Variants in PTPN13 observed in about 807,000 individuals in gnomAD.
The protein encoded by PTPN13 is tyrosine-protein phosphatase non-receptor type 13.
In PTPN13, 191 loss-of-function variants were observed where a neutral mutation model predicts 284.0. That is an observed-to-expected ratio of 0.67 (90% CI 0.60 to 0.76). PTPN13 has a LOEUF of 0.76. Among genes scored for constraint, PTPN13 ranks in the 30% least tolerant of loss-of-function variants. The probability of loss-of-function intolerance (pLI) is 0.00; values close to 1 mark genes in which losing one functional copy is unlikely to be tolerated. For missense variants in PTPN13, 2,797 were observed against 2,939.9 expected (o/e 0.95, Z 1.12); for synonymous variants, 986 against 1,022.3 (o/e 0.96, Z 0.68).
intron 1 of PTPN13, 94 bp from the exon 2 acceptor site, chr4:86,635,158 G>T (rs1309233927): frequency 3.1e-6 from 4 of 1,310,186 alleles, no homozygotes; most frequent in Non-Finnish European, 3.2e-6. Context: ...TAGACAGGGG[G>T]CTTATAGTCT....
At chr4:86,801,761 C>T (rs1223297055) in intron 42 of PTPN13, among the ~76,000 whole-genome samples, 1 of 151,968 alleles carries the variant, frequency 6.6e-6, no homozygotes, top group African/African-American at 2.4e-5. Flanking sequence ...TTTTTAAATG[C>T]TTATGTAGAA....
At chr4:86,703,101 G>A (rs1731338669) in intron 7 of PTPN13, among the ~76,000 whole-genome samples, 1 of 152,008 alleles carries the variant, frequency 6.6e-6, no homozygotes, top group Non-Finnish European at 1.5e-5. Context: ...TAAAGAATTT[G>A]AAATTATGGA....
intron 6 of PTPN13, among the ~76,000 whole-genome samples, chr4:86,699,602 GTGAT>G (rs776205619): frequency 3.9e-5 from 6 of 152,322 alleles, no homozygotes; most frequent in Non-Finnish European, 5.9e-5. Flanking sequence ...CGTGTACAAA[GTGAT>G]TGACTATGAA....
chr4:86,749,752 T>C (rs1450662138), intron 17 of PTPN13, among the ~76,000 whole-genome samples: 1 of 152,236 alleles, frequency 6.6e-6, no homozygotes, highest in Non-Finnish European at 1.5e-5. Context: ...AATTTACAGA[T>C]ACTGAAACAG....
At position 86,803,064 on chromosome 4, in the gene PTPN13, C is replaced by CTGTGTGTGTGTG. The variant is rs143647187; in HGVS notation, c.6506-617_6506-606dup. 3.9e-3 allele frequency among the ~76,000 whole-genome samples: 526 copies of CTGTGTGTGTGTG among 136,132 alleles called. 3 individuals carry two copies. Among genetic ancestry groups the CTGTGTGTGTGTG allele is most frequent in the African/African-American group, 4.4e-3 (157 of 35,984 alleles). The allele number at this position is 136,132 out of a possible 152,430, so 89.3% of individuals were successfully genotyped here. A position where few individuals can be genotyped will look rare whatever the true frequency, so the allele number is the denominator to read the frequency against. On this transcript the variant is annotated intron_variant, in intron 42 of 47. Coordinates refer to ENST00000411767, the MANE Select transcript of PTPN13 (RefSeq NM_080683.3). ...CTTCAGCCTGGGCTACAGAATAAGA[C>CTGTGTGTGTGTG]TGTGTGTGTGTGTGTGTGTGTGTGT...
intron 6 of PTPN13, among the ~76,000 whole-genome samples, chr4:86,698,935 G>A (rs893848490): frequency 2.6e-5 from 4 of 152,128 alleles, no homozygotes; most frequent in African/African-American, 9.7e-5. Flanking sequence ...ATATTCAACA[G>A]AAAGGAAGAA....
intron 2 of PTPN13, among the ~76,000 whole-genome samples, chr4:86,644,562 T>C (rs775529271): frequency 6.6e-6 from 1 of 152,182 alleles, no homozygotes; most frequent in East Asian, 1.9e-4. Flanking sequence ...CAAACACTAA[T>C]AGAACATTGA....
intron 9 of PTPN13, among the ~76,000 whole-genome samples, chr4:86,719,487 A>C (rs540813454): frequency 1.6e-4 from 24 of 152,330 alleles, no homozygotes; most frequent in African/African-American, 5.8e-4. Context: ...CTATGGGTAT[A>C]TACCCAGTAA....
chr4:86,671,587 A>C (rs1727727693), intron 2 of PTPN13, among the ~76,000 whole-genome samples: 2 of 152,308 alleles, frequency 1.3e-5, no homozygotes, highest in South Asian at 4.1e-4. Context: ...TATTTGTGTT[A>C]ATACTCTTAG....
At position 86,726,998 on chromosome 4, in the gene PTPN13, G is replaced by A. The variant is rs754060256; in HGVS notation, c.1608+4564G>A. ...TTGAAGTAAGTTCCACCAATACCTA[G>A]TTTATTGAGAGTTTTTAGCATGAAG... On this transcript the variant is annotated intron_variant, in intron 10 of 47. Coordinates refer to ENST00000411767, the MANE Select transcript of PTPN13 (RefSeq NM_080683.3). Among the ~76,000 whole-genome samples the A allele has an allele frequency of 2.7e-5, 4 of 149,450 alleles. 1 individual carries two copies. The highest frequency in any genetic ancestry group is 9.8e-5 in the African/African-American group (4 of 40,990).
intron 1 of PTPN13, among the ~76,000 whole-genome samples, chr4:86,626,049 T>A (rs766714283): frequency 6.6e-6 from 1 of 152,140 alleles, no homozygotes; most frequent in Non-Finnish European, 1.5e-5. Flanking sequence ...ATTCTACCAT[T>A]GCATTGTTTT....
At chr4:86,667,067 T>C (rs938095203) in intron 2 of PTPN13, among the ~76,000 whole-genome samples, 19 of 152,236 alleles carry the variant, frequency 1.2e-4, no homozygotes, top group African/African-American at 4.3e-4. Flanking sequence ...AATACCTTAC[T>C]GAGGACTTCC....
intron 24 of PTPN13, 71 bp downstream of exon 24, chr4:86,763,261 C>T (rs1738914132): frequency 2.4e-6 from 3 of 1,228,124 alleles, no homozygotes; most frequent in Admixed American, 4.3e-5. Flanking sequence ...AGTTACAGAG[C>T]ACAATAATCT....
intron 6 of PTPN13, among the ~76,000 whole-genome samples, chr4:86,700,727 C>T (rs1451676733): frequency 2.0e-5 from 3 of 152,080 alleles, no homozygotes; most frequent in Non-Finnish European, 2.9e-5. Flanking sequence ...CTTAAGAATT[C>T]GAAATGCTAC....
rs1409753382 is a variant in PTPN13 at position 86,807,103 on chromosome 4, C to CTT, written c.6746-455_6746-454dup. On this transcript the variant is annotated intron_variant, in intron 44 of 47. Transcript: ENST00000411767. The stretch of plus-strand genomic sequence containing the variant: ...ATGCCAATAACATTTGCAATATATA[C>CTT]TTTAATAGTGTTATTGTAATACTAA... Among the ~76,000 whole-genome samples, 18 of 152,026 alleles carry CTT rather than the reference C, an allele frequency of 1.2e-4. 1 individual carries two copies. Among genetic ancestry groups the CTT allele is most frequent in the African/African-American group, 4.1e-4 (17 of 41,410 alleles).
intron 40 of PTPN13, among the ~76,000 whole-genome samples, chr4:86,786,166 T>C (rs897398565): frequency 2.6e-5 from 4 of 152,150 alleles, no homozygotes; most frequent in Admixed American, 2.0e-4. Flanking sequence ...AACAATTAGT[T>C]TTCAAAAATG....
At chr4:86,772,695 A>G (rs1740142793) in intron 31 of PTPN13, 83 bp from the exon 32 acceptor site, 1 of 1,108,446 alleles carries the variant, frequency 9.0e-7, no homozygotes, top group Admixed American at 2.5e-5. Context: ...AATATTTGTT[A>G]AGTGTTTTCT....
At chr4:86,661,901 C>G (rs1466338188) in intron 2 of PTPN13, among the ~76,000 whole-genome samples, 1 of 152,096 alleles carries the variant, frequency 6.6e-6, no homozygotes, top group African/African-American at 2.4e-5. Context: ...GTGTCTGCTC[C>G]TCTTACACCC....
intron 7 of PTPN13, among the ~76,000 whole-genome samples, chr4:86,705,605 G>T (rs1433841487): frequency 6.6e-6 from 1 of 152,016 alleles, no homozygotes; most frequent in Non-Finnish European, 1.5e-5. Context: ...CAATTTTTGT[G>T]ATCTTTAAAT....
Sources: allele counts gnomAD v4.1 joint callset (sites outside exome capture counted in the v4.1 genomes callset), GRCh38; gene constraint gnomAD v4.1.1; transcripts MANE v1.5; gene names NCBI Gene and HGNC (gene_info 2026-07-23, HGNC 2026-07-21).